Variants in ZFHX3 observed in about 807,000 individuals in gnomAD.
The protein encoded by ZFHX3 is zinc finger homeobox protein 3.
In ZFHX3, 42 loss-of-function variants were observed where a neutral mutation model predicts 279.1. The observed-to-expected ratio is 0.15, with a 90% CI of 0.12 to 0.19. The LOEUF (loss-of-function observed/expected upper bound fraction) is 0.19. Ranked by LOEUF, ZFHX3 falls within the 10% of genes least tolerant of loss-of-function variation. The pLI is 1.00. For missense variants in ZFHX3, 4,981 were observed against 4,754.0 expected, an observed-to-expected ratio of 1.05 and a Z score of -1.40; for synonymous variants, 2,293 against 1,957.8, an observed-to-expected ratio of 1.17 and a Z score of -4.52.
intron 1 of ZFHX3, among the ~76,000 whole-genome samples, chr16:73,689,810 G>GTT (rs1567552757): frequency 1.3e-5 from 2 of 149,690 alleles, no homozygotes; most frequent in African/African-American, 2.5e-5. Flanking sequence ...ACAGTTTTTT[G>GTT]TTTTTTGTTT....
chr16:73,697,313 C>T (rs2053206670), intron 1 of ZFHX3, among the ~76,000 whole-genome samples: 1 of 150,502 alleles, frequency 6.6e-6, no homozygotes, highest in Non-Finnish European at 1.5e-5. Flanking sequence ...TTAGAATGGA[C>T]AAAGTTTTTG....
chr16:73,804,734 T>A (rs1243886561), intron 1 of ZFHX3, among the ~76,000 whole-genome samples: 1 of 152,028 alleles, frequency 6.6e-6, no homozygotes, highest in Non-Finnish European at 1.5e-5. Context: ...TCTATTTCAT[T>A]TGGGGTGAAA....
intron 4 of ZFHX3, among the ~76,000 whole-genome samples, chr16:73,306,845 T>A (rs546979376): frequency 6.6e-6 from 1 of 152,218 alleles, no homozygotes; most frequent in Non-Finnish European, 1.5e-5. Flanking sequence ...CAATGCTACG[T>A]TATCATTTCT....
intron 1 of ZFHX3, among the ~76,000 whole-genome samples, chr16:73,691,424 A>G (rs891681769): frequency 3.9e-5 from 6 of 152,362 alleles, no homozygotes; most frequent in Admixed American, 6.5e-5. Context: ...ATTATCTCCA[A>G]CCTTGAAGGA....
At chr16:73,117,114 A>G (rs150926458) in intron 7 of ZFHX3, among the ~76,000 whole-genome samples, 195 of 152,352 alleles carry the variant, frequency 1.3e-3, no homozygotes, top group African/African-American at 4.5e-3. Context: ...TCTAGGTATG[A>G]CACATTAGTG....
Position 73,209,432 on chromosome 16 carries a change from C to T in ZFHX3, c.-1104+47615G>A, listed in dbSNP as rs2011930115. On this transcript the variant is annotated intron_variant, in intron 5 of 17. Coordinates refer to the ZFHX3 transcript ENST00000641206. The stretch of plus-strand genomic sequence containing the variant: ...CTGGTGTCTGGTGAGAGCCTGGTCA[C>T]TGCTTACAAGATGTTGCCTTGAATG... 3.3e-5 allele frequency among the ~76,000 whole-genome samples: 5 copies of T among 152,190 alleles called. No individual in the cohort carries two copies. The South Asian group carries it at 1.0e-3, about 32-fold the overall frequency.
At chr16:73,218,761 C>T (rs1169734177) in intron 5 of ZFHX3, among the ~76,000 whole-genome samples, 1 of 151,974 alleles carries the variant, frequency 6.6e-6, no homozygotes, top group African/African-American at 2.4e-5. Flanking sequence ...AGAGCGAGAC[C>T]CTGTCTCAAA....
At position 73,206,820 on chromosome 16, in the gene ZFHX3, C is replaced by T. The variant is rs565549581; in HGVS notation, c.-1104+50227G>A. On this transcript the variant is annotated intron_variant, in intron 5 of 17. Coordinates refer to the ZFHX3 transcript ENST00000641206. ...ATCACTTGGGGTCAGGATTTCAAGACCAGCCTGGCCAACATGGTGAAACCC... is the reference window on the plus strand; with the variant it reads ...ATCACTTGGGGTCAGGATTTCAAGATCAGCCTGGCCAACATGGTGAAACCC... 1.8e-4 allele frequency among the ~76,000 whole-genome samples: 27 copies of T among 151,992 alleles called. No individual in the cohort carries two copies. The South Asian group carries it at 4.8e-3, about 27-fold the overall frequency.
chr16:73,469,292 G>C (rs2018622470), intron 2 of ZFHX3, among the ~76,000 whole-genome samples: 1 of 152,164 alleles, frequency 6.6e-6, no homozygotes, highest in African/African-American at 2.4e-5. Context: ...GAACTTCAGG[G>C]AAGCAGCAAG....
chr16:73,053,349 G>A (rs905943307), intron 1 of ZFHX3, among the ~76,000 whole-genome samples: 8 of 152,162 alleles, frequency 5.3e-5, no homozygotes, highest in Admixed American at 4.6e-4. Context: ...GATGGAAGGC[G>A]GTGGTGGGGA....
At chr16:73,448,266 G>A (rs2018221251) in intron 3 of ZFHX3, among the ~76,000 whole-genome samples, 1 of 152,130 alleles carries the variant, frequency 6.6e-6, no homozygotes, top group African/African-American at 2.4e-5. Context: ...ACACCCATCT[G>A]GGAGAAAATA....
At chr16:73,014,131 A>G (rs996794863) in intron 1 of ZFHX3, among the ~76,000 whole-genome samples, 1 of 152,138 alleles carries the variant, frequency 6.6e-6, no homozygotes, top group African/African-American at 2.4e-5. Context: ...GGAAGGGGCC[A>G]TCAACCCAGA....
At chr16:73,496,160 A>T (rs767086833) in intron 2 of ZFHX3, among the ~76,000 whole-genome samples, 1 of 152,254 alleles carries the variant, frequency 6.6e-6, no homozygotes, top group East Asian at 1.9e-4. Flanking sequence ...AGTGCCCCTT[A>T]GCACAAACTC....
intron 4 of ZFHX3, among the ~76,000 whole-genome samples, chr16:73,257,515 C>T (rs1272010549): frequency 1.3e-5 from 2 of 152,210 alleles, no homozygotes; most frequent in Non-Finnish European, 2.9e-5. Flanking sequence ...CTGAATACAA[C>T]CTCATTTCAA....
chr16:73,416,703 T>C (rs1316431406), intron 3 of ZFHX3, among the ~76,000 whole-genome samples: 1 of 151,560 alleles, frequency 6.6e-6, no homozygotes, highest in Non-Finnish European at 1.5e-5. Flanking sequence ...GAAACCCCCG[T>C]CTCTACTAAA....
At chr16:73,015,126 A>T (rs1964056410) in intron 1 of ZFHX3, 1 of 136,000 alleles carries the variant, frequency 7.4e-6, no homozygotes, top group Non-Finnish European at 1.5e-5. Context: ...AACTCACTGT[A>T]CCCTCTACCT....
intron 3 of ZFHX3, among the ~76,000 whole-genome samples, chr16:73,345,209 C>T (rs959829340): frequency 2.0e-5 from 3 of 151,974 alleles, no homozygotes; most frequent in Admixed American, 1.3e-4. Flanking sequence ...AATAAAAAGT[C>T]TTATTTTGTT....
intron 7 of ZFHX3, among the ~76,000 whole-genome samples, chr16:73,118,233 C>G (rs1272213815): frequency 6.6e-6 from 1 of 152,122 alleles, no homozygotes; most frequent in African/African-American, 2.4e-5. Context: ...GTTGTTGAGA[C>G]AGTCTCACTC....
intron 4 of ZFHX3, among the ~76,000 whole-genome samples, chr16:73,297,555 GAA>G (rs2014945942): frequency 6.6e-6 from 1 of 152,010 alleles, no homozygotes; most frequent in African/African-American, 2.4e-5. Context: ...ATTAAAGGTA[GAA>G]GTAAGCCAAA....
Sources: gnomAD v4.1 joint callset for allele counts (sites outside exome capture counted in the v4.1 genomes callset) on GRCh38, gnomAD v4.1.1 for gene constraint, MANE v1.5 for transcripts, NCBI Gene and HGNC (gene_info 2026-07-23, HGNC 2026-07-21) for gene names.